CFAP61: variants seen among roughly 807,000 people sequenced by gnomAD.
CFAP61 encodes the protein cilia and flagella associated protein 61.
CFAP61 carries 107 observed loss-of-function variants against 135.6 expected under a neutral mutation model. The observed-to-expected ratio is 0.79, with a 90% CI of 0.67 to 0.93. The LOEUF is 0.93. CFAP61 is among the 40% of genes least tolerant of loss of function. CFAP61 has a pLI of 0.00. For missense variants in CFAP61, 1,507 were observed against 1,556.2 expected (o/e 0.97, Z 0.53); for synonymous variants, 575 against 578.5 (o/e 0.99, Z 0.09).
intron 1 of CFAP61, among the ~76,000 whole-genome samples, chr20:20,055,639 C>T (rs725464): frequency 0.14 from 21,538 of 152,080 alleles, 1,673 homozygotes; most frequent in East Asian, 0.22. Flanking sequence ...AATTATACTT[C>T]CTTATTTTAT....
intron 2 of CFAP61, among the ~76,000 whole-genome samples, chr20:20,068,710 A>G (rs1407234036): frequency 6.6e-6 from 1 of 152,050 alleles, no homozygotes; most frequent in Non-Finnish European, 1.5e-5. Context: ...TGCAGGAAAA[A>G]TTTTTTGTTT....
intron 8 of CFAP61, among the ~76,000 whole-genome samples, chr20:20,100,211 C>T (rs978761968): frequency 2.0e-5 from 3 of 149,846 alleles, no homozygotes; most frequent in East Asian, 1.9e-4. Context: ...TAACTCTTGT[C>T]ACCCAGGCTG....
chr20:20,075,239 C>T lies in CFAP61; in HGVS notation c.422C>T (p.Pro141Leu). Residue 141 changes from proline (P) to leucine (L), a missense_variant, in exon 5 of 27, where the codon CCA becomes CTA. By Grantham distance (98) the Pro-to-Leu change is moderately conservative. Transcript: ENST00000245957. ...CTGCACTTCATATTTCTCATCGTGC[C>T]ATCCTACATGAGCCTAGGTAAGGCC... ...PELHFIFLIV[P>L]SYMSLGSTLI... 6.2e-7 allele frequency: 1 copy of T among 1,614,096 alleles called. No individual in the cohort carries two copies. Among genetic ancestry groups the T allele is most frequent in the Non-Finnish European group, 8.5e-7 (1 of 1,179,974 alleles).
chr20:20,175,147 G>A (rs1223986229), intron 13 of CFAP61, among the ~76,000 whole-genome samples: 1 of 152,240 alleles, frequency 6.6e-6, no homozygotes, highest in Non-Finnish European at 1.5e-5. Flanking sequence ...GGCTTTACAA[G>A]AGCTTGTTTG....
intron 7 of CFAP61, among the ~76,000 whole-genome samples, chr20:20,094,179 T>C (rs1159125344): frequency 1.3e-5 from 2 of 152,250 alleles, no homozygotes; most frequent in Admixed American, 1.3e-4. Flanking sequence ...TATTTATTTT[T>C]TAAATGTTTA....
At chr20:20,270,957 C>G (rs1251339365) in intron 21 of CFAP61, among the ~76,000 whole-genome samples, 6 of 152,200 alleles carry the variant, frequency 3.9e-5, no homozygotes, top group Admixed American at 6.5e-5. Context: ...GAGGCGTGAG[C>G]CACCGCACCC....
At chr20:20,170,080 A>G (rs1430413139) in intron 13 of CFAP61, among the ~76,000 whole-genome samples, 4 of 152,208 alleles carry the variant, frequency 2.6e-5, no homozygotes, top group African/African-American at 9.6e-5. Flanking sequence ...TAAAACTGCA[A>G]CTGTGATGGG....
At chr20:20,320,592 G>A (rs1319541247) in intron 25 of CFAP61, among the ~76,000 whole-genome samples, 1 of 133,400 alleles carries the variant, frequency 7.5e-6, no homozygotes, top group Non-Finnish European at 1.6e-5. Flanking sequence ...ATACTGAAGT[G>A]TCTGGAGACA....
At chr20:20,319,562 C>T (rs2057328678) in intron 25 of CFAP61, among the ~76,000 whole-genome samples, 1 of 152,190 alleles carries the variant, frequency 6.6e-6, no homozygotes. Context: ...CTGCTCTGGC[C>T]ATGTAAGACA....
intron 25 of CFAP61, among the ~76,000 whole-genome samples, chr20:20,309,149 T>G (rs2056662684): frequency 1.3e-5 from 2 of 152,212 alleles, no homozygotes; most frequent in South Asian, 4.1e-4. Flanking sequence ...AGGTGCAGCA[T>G]TCTCCTTCTT....
At chr20:20,079,468 C>T (rs1300500568) in intron 6 of CFAP61, among the ~76,000 whole-genome samples, 4 of 152,008 alleles carry the variant, frequency 2.6e-5, no homozygotes, top group African/African-American at 9.7e-5. Context: ...AAAGTCACTG[C>T]TCTTCAGAGA....
At chr20:20,137,220 G>GC (rs905358244) in intron 8 of CFAP61, among the ~76,000 whole-genome samples, 1 of 152,202 alleles carries the variant, frequency 6.6e-6, no homozygotes, top group African/African-American at 2.4e-5. Flanking sequence ...AGGCAGCACA[G>GC]CCATGGGTCT....
intron 18 of CFAP61, among the ~76,000 whole-genome samples, chr20:20,232,124 G>A (rs1216150903): frequency 6.6e-6 from 1 of 152,172 alleles, no homozygotes; most frequent in Admixed American, 6.5e-5. Flanking sequence ...AGCCCTGAGG[G>A]AGGAACTGTC....
At chr20:20,128,176 C>T (rs991655198) in intron 8 of CFAP61, among the ~76,000 whole-genome samples, 2 of 151,732 alleles carry the variant, frequency 1.3e-5, no homozygotes, top group Non-Finnish European at 2.9e-5. Context: ...TGGATTCATG[C>T]CCTCTGCCCG....
At chr20:20,081,690 C>G (rs1196871851) in intron 6 of CFAP61, among the ~76,000 whole-genome samples, 1 of 152,220 alleles carries the variant, frequency 6.6e-6, no homozygotes, top group African/African-American at 2.4e-5. Context: ...CTCTTGAAAA[C>G]TTGAGTGCTA....
chr20:20,179,015 C>G (rs568661330), intron 13 of CFAP61, among the ~76,000 whole-genome samples: 1 of 152,152 alleles, frequency 6.6e-6, no homozygotes, highest in Admixed American at 6.5e-5. Context: ...TTTTTATTTA[C>G]TGGTATTAAA....
At chr20:20,091,033 G>C in intron 7 of CFAP61, 57 bp downstream of exon 7, 1 of 1,592,816 alleles carries the variant, frequency 6.3e-7, no homozygotes. Context: ...GGATGTGAGT[G>C]GTGTTGCTCT....
Position 20,290,298 on chromosome 20 carries a change from A to AG in CFAP61, c.3128dup. The AG allele has an allele frequency of 6.2e-7, 1 of 1,601,984 alleles. No individual in the cohort carries two copies. Among genetic ancestry groups the AG allele is most frequent in the African/African-American group, 1.3e-5 (1 of 74,844 alleles). ...AAATGGAAAACTTGCCATCTCTTCT[A>AG]GGGGGCATTCTTCCTGGGTCTTACC... On this transcript the variant is annotated splice_acceptor_variant, in intron 23 of 26. Coordinates refer to ENST00000245957, the MANE Select transcript of CFAP61 (RefSeq NM_015585.4). LOFTEE classifies it high-confidence loss of function.
intron 8 of CFAP61, among the ~76,000 whole-genome samples, chr20:20,139,661 C>T (rs755863665): frequency 3.9e-5 from 6 of 152,044 alleles, no homozygotes; most frequent in Admixed American, 1.3e-4. Context: ...TTCACCTTGC[C>T]CAGTTCTGAA....
Sources: gnomAD v4.1 joint callset for allele counts (sites outside exome capture counted in the v4.1 genomes callset) on GRCh38, gnomAD v4.1.1 for gene constraint, MANE v1.5 for transcripts, NCBI Gene and HGNC (gene_info 2026-07-23, HGNC 2026-07-21) for gene names.